The following BRINP2 variants were observed in gnomAD, a reference collection of about 807,000 sequenced individuals.
The protein encoded by BRINP2 is BMP/retinoic acid-inducible neural-specific protein 2.
BRINP2 carries 21 observed loss-of-function variants against 69.2 expected under a neutral mutation model. That is an observed-to-expected ratio of 0.30 (90% CI 0.22 to 0.44). The LOEUF (loss-of-function observed/expected upper bound fraction) is 0.44. Among genes scored for constraint, BRINP2 ranks in the 20% least tolerant of loss-of-function variants. The probability of loss-of-function intolerance (pLI) is 1.00; values close to 1 mark genes in which losing one functional copy is unlikely to be tolerated. For missense variants in BRINP2, 877 were observed against 986.0 expected (o/e 0.89, Z 1.48); for synonymous variants, 380 against 394.1 (o/e 0.96, Z 0.42).
chr1:177,219,334 G>T (rs1649461507), intron 1 of BRINP2, among the ~76,000 whole-genome samples: 1 of 152,120 alleles, frequency 6.6e-6, no homozygotes, highest in Non-Finnish European at 1.5e-5. Flanking sequence ...AAGCCTATGG[G>T]GGCCTAAAGA....
At chr1:177,190,218 G>A (rs1402642) in intron 1 of BRINP2, among the ~76,000 whole-genome samples, 59,214 of 151,988 alleles carry the variant, frequency 0.39, 11,859 homozygotes, top group South Asian at 0.48. Context: ...GACTTTCAGC[G>A]GAAAGGCTGC....
chr1:177,183,629 T>G (rs1648330157), intron 1 of BRINP2, among the ~76,000 whole-genome samples: 1 of 152,078 alleles, frequency 6.6e-6, no homozygotes, highest in Admixed American at 6.5e-5. Flanking sequence ...GAGAAGAGAC[T>G]TGGGAATGTA....
In BRINP2 at chr1:177,230,079, C is replaced by T; in HGVS notation, c.203C>T (p.Ala68Val). The T allele has an allele frequency of 6.2e-7, 1 of 1,613,842 alleles. No individual in the cohort carries two copies. The highest frequency in any genetic ancestry group is 8.5e-7 in the Non-Finnish European group (1 of 1,180,000). ...ACAGACCGGGGCCCCTTCCACCGCG[C>T]TCAGGAGTATGCTGACTTCATGGAG... The part of the protein sequence containing the change: ...LLTDRGPFHR[A>V]QEYADFMERY... Residue 68 changes from alanine to valine, a missense_variant, in exon 2 of 8, where the codon GCT (alanine) becomes GTT (valine). Transcript: ENST00000361539.
At chr1:177,224,259 A>G (rs1199065611) in intron 1 of BRINP2, among the ~76,000 whole-genome samples, 1 of 152,224 alleles carries the variant, frequency 6.6e-6, no homozygotes, top group South Asian at 2.1e-4. Flanking sequence ...TTGGCCAATT[A>G]ACCACTTATA....
chr1:177,241,761 C>A (rs191758557), intron 2 of BRINP2, among the ~76,000 whole-genome samples: 26 of 152,292 alleles, frequency 1.7e-4, no homozygotes, highest in African/African-American at 5.5e-4. Context: ...TCTCCCCAGA[C>A]TTCTTTGACT....
At chr1:177,203,241 C>T (rs1455537602) in intron 1 of BRINP2, among the ~76,000 whole-genome samples, 2 of 152,132 alleles carry the variant, frequency 1.3e-5, no homozygotes, top group East Asian at 3.9e-4. Flanking sequence ...AAAAACCAAA[C>T]ACAGCATGGT....
intron 5 of BRINP2, among the ~76,000 whole-genome samples, chr1:177,275,468 A>T (rs1056801074): frequency 1.3e-5 from 2 of 152,234 alleles, no homozygotes; most frequent in Non-Finnish European, 2.9e-5. Flanking sequence ...GTATTAGCTG[A>T]TGAGACAAGG....
intron 1 of BRINP2, among the ~76,000 whole-genome samples, chr1:177,218,882 G>A (rs939366057): frequency 2.0e-5 from 3 of 152,148 alleles, no homozygotes; most frequent in Non-Finnish European, 4.4e-5. Flanking sequence ...TCTCTGGGAG[G>A]AGTGAAGCCT....
chr1:177,235,699 C>T (rs1333105643), intron 2 of BRINP2, among the ~76,000 whole-genome samples: 2 of 152,324 alleles, frequency 1.3e-5, no homozygotes, highest in African/African-American at 4.8e-5. Flanking sequence ...TAAGAGATCA[C>T]AGTCCATATA....
chr1:177,243,687 A>C (rs1389380217), intron 2 of BRINP2, among the ~76,000 whole-genome samples: 2 of 152,252 alleles, frequency 1.3e-5, no homozygotes, highest in Non-Finnish European at 2.9e-5. Flanking sequence ...TGAAACAAAC[A>C]GTCCTCAAAT....
At chr1:177,232,481 C>A (rs992578512) in intron 2 of BRINP2, among the ~76,000 whole-genome samples, 5 of 152,178 alleles carry the variant, frequency 3.3e-5, no homozygotes, top group African/African-American at 1.2e-4. Context: ...GTGTAGTATT[C>A]TGATTTGTGA....
intron 1 of BRINP2, among the ~76,000 whole-genome samples, chr1:177,193,824 A>G (rs1274250136): frequency 6.6e-6 from 1 of 152,180 alleles, no homozygotes; most frequent in East Asian, 1.9e-4. Context: ...ACTGTGTTTA[A>G]AAAGGCTATT....
intron 1 of BRINP2, among the ~76,000 whole-genome samples, chr1:177,207,860 A>G (rs1649110244): frequency 6.6e-6 from 1 of 152,190 alleles, no homozygotes; most frequent in Non-Finnish European, 1.5e-5. Flanking sequence ...AAGAAGCTAA[A>G]TCTAGACAGG....
chr1:177,196,278 G>T (rs1236799848), intron 1 of BRINP2, among the ~76,000 whole-genome samples: 1 of 152,196 alleles, frequency 6.6e-6, no homozygotes, highest in Non-Finnish European at 1.5e-5. Flanking sequence ...TAGTTCCAGA[G>T]ATTCTGCACT....
At chr1:177,243,209 T>C (rs1650259938) in intron 2 of BRINP2, among the ~76,000 whole-genome samples, 1 of 152,060 alleles carries the variant, frequency 6.6e-6, no homozygotes, top group South Asian at 2.1e-4. Flanking sequence ...AAAGAATAGG[T>C]AGTCTTACTC....
At chr1:177,256,841 C>G in intron 3 of BRINP2, 1 of 1,167,318 alleles carries the variant, frequency 8.6e-7, no homozygotes, top group Non-Finnish European at 1.1e-6. Context: ...GAAAAAGCCA[C>G]GAAGACTCCT....
chr1:177,193,652 G>A (rs767778029), intron 1 of BRINP2, among the ~76,000 whole-genome samples: 32 of 152,214 alleles, frequency 2.1e-4, no homozygotes, highest in Non-Finnish European at 3.5e-4. Flanking sequence ...TCTTGAATTT[G>A]AGCCATGCCA....
chr1:177,170,999 G>C lies in BRINP2; in HGVS notation c.-810G>C, dbSNP rs1647907910. Among the ~76,000 whole-genome samples, 1 of 152,260 alleles carries C rather than the reference G, an allele frequency of 6.6e-6. No homozygotes were observed. Among genetic ancestry groups the C allele is most frequent in the Non-Finnish European group, 1.5e-5 (1 of 68,048 alleles). On this transcript the variant is annotated 5_prime_UTR_variant, in exon 1 of 8. Transcript: ENST00000361539. ...CTGCTTAGGTACGGAGCGCGGAGTC[G>C]GAGCGGGGACGCGCCGGGCTGCAGC...
intron 1 of BRINP2, among the ~76,000 whole-genome samples, chr1:177,175,701 T>A (rs916267295): frequency 6.6e-6 from 1 of 152,102 alleles, no homozygotes; most frequent in Admixed American, 6.5e-5. Flanking sequence ...AAGAACCCAG[T>A]CTGTTTGTTT....
Sources: allele counts gnomAD v4.1 joint callset (sites outside exome capture counted in the v4.1 genomes callset), GRCh38; gene constraint gnomAD v4.1.1; transcripts MANE v1.5; gene names NCBI Gene and HGNC (gene_info 2026-07-23, HGNC 2026-07-21).